The following TPD52 variants were observed in gnomAD, a reference collection of about 807,000 sequenced individuals.
TPD52 encodes the protein prostate and colon associated protein.
TPD52 carries 17 observed loss-of-function variants against 31.3 expected under a neutral mutation model. That is an observed-to-expected ratio of 0.54 (90% CI 0.37 to 0.82). The LOEUF is 0.82. Among genes scored for constraint, TPD52 ranks in the 40% least tolerant of loss-of-function variants. The probability of loss-of-function intolerance (pLI) is 0.00; values close to 1 mark genes in which losing one functional copy is unlikely to be tolerated. For synonymous variants in TPD52, 83 were observed against 89.6 expected, an observed-to-expected ratio of 0.93 and a Z score of 0.42; for missense variants, 212 against 240.1, an observed-to-expected ratio of 0.88 and a Z score of 0.77.
At chr8:80,061,631 C>T (rs1812567864) in intron 2 of TPD52, among the ~76,000 whole-genome samples, 1 of 152,124 alleles carries the variant, frequency 6.6e-6, no homozygotes. Context: ...CTGCCCCGAG[C>T]CATGATCACA....
At chr8:80,102,739 C>T (rs1296024474) in intron 1 of TPD52, among the ~76,000 whole-genome samples, 2 of 152,062 alleles carry the variant, frequency 1.3e-5, no homozygotes, top group Non-Finnish European at 2.9e-5. Context: ...TCCTAGATAG[C>T]CTCAAGATGG....
At chr8:80,131,882 T>C (rs1033333009) in intron 1 of TPD52, among the ~76,000 whole-genome samples, 8 of 152,092 alleles carry the variant, frequency 5.3e-5, no homozygotes, top group African/African-American at 1.9e-4. Context: ...GCATCCTAGT[T>C]AAGAACGCAG....
chr8:80,092,889 A>T (rs1268366533), intron 1 of TPD52, among the ~76,000 whole-genome samples: 1 of 152,126 alleles, frequency 6.6e-6, no homozygotes, highest in African/African-American at 2.4e-5. Flanking sequence ...GTAGGAATAA[A>T]GGATGGAATA....
At chr8:80,152,250 A>T (rs1810622686) in intron 1 of TPD52, among the ~76,000 whole-genome samples, 1 of 152,138 alleles carries the variant, frequency 6.6e-6, no homozygotes. Flanking sequence ...GACCGGGGAG[A>T]GAGGCCAGCC....
chr8:80,153,802 A>G (rs1230864871), intron 1 of TPD52, among the ~76,000 whole-genome samples: 1 of 152,246 alleles, frequency 6.6e-6, no homozygotes, highest in Non-Finnish European at 1.5e-5. Flanking sequence ...ACATCTGCCC[A>G]GGGCTGATGT....
At chr8:80,052,165 C>T (rs898032358) in intron 3 of TPD52, among the ~76,000 whole-genome samples, 1 of 152,122 alleles carries the variant, frequency 6.6e-6, no homozygotes, top group African/African-American at 2.4e-5. Context: ...CTACCAAATA[C>T]GGACATGATG....
At chr8:80,138,243 A>G (rs566321142) in intron 1 of TPD52, among the ~76,000 whole-genome samples, 27 of 152,184 alleles carry the variant, frequency 1.8e-4, no homozygotes, top group Non-Finnish European at 2.6e-4. Context: ...GCGCCTGACC[A>G]TGAGACCCTG....
At chr8:80,101,585 G>A (rs1806745749) in intron 1 of TPD52, among the ~76,000 whole-genome samples, 3 of 151,954 alleles carry the variant, frequency 2.0e-5, no homozygotes, top group Admixed American at 1.3e-4. Context: ...TCTGCAGGCT[G>A]TACAGAAGCA....
chr8:80,137,051 A>G (rs1809484629), intron 1 of TPD52, among the ~76,000 whole-genome samples: 1 of 152,246 alleles, frequency 6.6e-6, no homozygotes, highest in East Asian at 1.9e-4. Context: ...GTAGGCAGGC[A>G]GCAAAATAAA....
intron 1 of TPD52, among the ~76,000 whole-genome samples, chr8:80,104,661 ATTT>A (rs144170850): frequency 7.0e-6 from 1 of 142,670 alleles, no homozygotes; most frequent in Non-Finnish European, 1.5e-5. Context: ...GAGTCTGCTG[ATTT>A]TTTTTTTTTT....
Position 80,092,318 on chromosome 8 carries a change from C to A in TPD52, c.20-27725G>T, listed in dbSNP as rs141170558. ...AACCTCGTTTTATCCTCCCCCCACC[C>A]ACTGACACATCTTCCCAGCACAGCC... On this transcript the variant is annotated intron_variant, in intron 1 of 7. Transcript: ENST00000518937. Among the ~76,000 whole-genome samples the A allele has an allele frequency of 9.8e-5, 15 of 152,312 alleles. No individual in the cohort carries two copies. In the East Asian group the frequency reaches 2.7e-3, roughly 27 times the overall value.
At chr8:80,112,693 A>C (rs532107189) in intron 1 of TPD52, among the ~76,000 whole-genome samples, 1 of 152,330 alleles carries the variant, frequency 6.6e-6, no homozygotes, top group Non-Finnish European at 1.5e-5. Context: ...GAAGCGACTT[A>C]TCAGTTCACA....
At chr8:80,080,398 T>C in intron 1 of TPD52, 3 of 1,614,216 alleles carry the variant, frequency 1.9e-6, no homozygotes, top group Non-Finnish European at 2.5e-6. Context: ...CACTCCTGCA[T>C]CAAAATCAAA....
chr8:80,120,362 G>T (rs938884436), intron 1 of TPD52, among the ~76,000 whole-genome samples: 1 of 152,028 alleles, frequency 6.6e-6, no homozygotes, highest in Non-Finnish European at 1.5e-5. Flanking sequence ...GGTGGTTCAC[G>T]TCTGTAATCC....
intron 1 of TPD52, chr8:80,171,138 C>A: frequency 2.9e-6 from 2 of 686,058 alleles, no homozygotes; most frequent in Non-Finnish European, 2.7e-6. Flanking sequence ...CGGCCGCCAG[C>A]CCCTGACGCT....
chr8:80,167,346 C>G (rs1449736587), intron 1 of TPD52, among the ~76,000 whole-genome samples: 1 of 152,158 alleles, frequency 6.6e-6, no homozygotes, highest in Non-Finnish European at 1.5e-5. Context: ...TTTGGGTGTT[C>G]TTTTTGGTTT....
chr8:80,043,582 A>C (rs1810572780), intron 6 of TPD52, among the ~76,000 whole-genome samples: 2 of 152,172 alleles, frequency 1.3e-5, no homozygotes, highest in Non-Finnish European at 2.9e-5. Context: ...CCAACTCTAC[A>C]GGATCAGAGG....
intron 1 of TPD52, among the ~76,000 whole-genome samples, chr8:80,133,256 T>A (rs1324633331): frequency 6.6e-6 from 1 of 152,172 alleles, no homozygotes; most frequent in Admixed American, 6.5e-5. Flanking sequence ...TATCGGCCCC[T>A]CTTCCTGGAC....
intron 1 of TPD52, among the ~76,000 whole-genome samples, chr8:80,072,315 A>ATGTGTGTGTGTGTG (rs1333429744): frequency 1.1e-3 from 77 of 70,432 alleles, no homozygotes; most frequent in Non-Finnish European, 1.7e-3. Flanking sequence ...TAAAAAACAT[A>ATGTGTGTGTGTGTG]TATGTGTGTG....
Sources: gnomAD v4.1 joint callset for allele counts (sites outside exome capture counted in the v4.1 genomes callset) on GRCh38, gnomAD v4.1.1 for gene constraint, MANE v1.5 for transcripts, NCBI Gene and HGNC (gene_info 2026-07-23, HGNC 2026-07-21) for gene names.